ZC3H12B: variants seen among roughly 807,000 people sequenced by gnomAD.
The protein encoded by ZC3H12B is probable ribonuclease ZC3H12B.
ZC3H12B carries 7 observed loss-of-function variants against 43.9 expected under a neutral mutation model. The observed-to-expected ratio is 0.16, with a 90% CI of 0.09 to 0.30. ZC3H12B has a LOEUF of 0.30. Among genes scored for constraint, ZC3H12B ranks in the 10% least tolerant of loss-of-function variants. The pLI, the probability that ZC3H12B is intolerant of heterozygous loss-of-function variation, is 1.00. For missense variants in ZC3H12B, 475 were observed against 670.2 expected, an observed-to-expected ratio of 0.71 and a Z score of 3.22; for synonymous variants, 222 against 241.7, an observed-to-expected ratio of 0.92 and a Z score of 0.76.
the ZC3H12B span, among the ~76,000 whole-genome samples, chrX:65,159,336 T>G: frequency 8.9e-6 from 1 of 111,916 alleles, no homozygotes; most frequent in African/African-American, 3.2e-5. Flanking sequence ...GGGATGTCAT[T>G]GAATCTATAA....
chrX:65,231,425 G>C, the ZC3H12B span, among the ~76,000 whole-genome samples: 1 of 111,192 alleles, frequency 9.0e-6, no homozygotes, highest in Admixed American at 9.6e-5. Context: ...TACCAGGCTG[G>C]AATTTCCTAG....
chrX:65,477,892 C>G (rs1219896026), intron 3 of ZC3H12B, among the ~76,000 whole-genome samples: 5 of 107,085 alleles, frequency 4.7e-5, no homozygotes, highest in Admixed American at 3.0e-4. Flanking sequence ...CTCTTAGGCT[C>G]TGATCATTTT....
At chrX:65,049,300 T>G in the ZC3H12B span, among the ~76,000 whole-genome samples, 5 of 111,751 alleles carry the variant, frequency 4.5e-5, no homozygotes, top group Admixed American at 4.7e-4. Flanking sequence ...TTTTATAGTT[T>G]CAGGTATTAC....
chrX:65,054,455 T>C, the ZC3H12B span, among the ~76,000 whole-genome samples: 5 of 111,787 alleles, frequency 4.5e-5, no homozygotes, highest in East Asian at 1.4e-3. Flanking sequence ...TCTGTTCTGT[T>C]CCATTGGTCT....
chrX:65,394,545 G>A (rs758944298), intron 2 of ZC3H12B, among the ~76,000 whole-genome samples: 7 of 111,498 alleles, frequency 6.3e-5, no homozygotes, highest in African/African-American at 1.6e-4. Flanking sequence ...GCCTGTGTCC[G>A]GTTCCATTGG....
the ZC3H12B span, among the ~76,000 whole-genome samples, chrX:65,298,934 T>C: frequency 2.0e-4 from 22 of 111,280 alleles, no homozygotes; most frequent in East Asian, 6.2e-3. Flanking sequence ...AGCCGTCAGA[T>C]CTCATGAGAA....
the ZC3H12B span, among the ~76,000 whole-genome samples, chrX:65,122,715 A>G: frequency 9.0e-6 from 1 of 111,380 alleles, no homozygotes; most frequent in Non-Finnish European, 1.9e-5. Context: ...GGACAACAAA[A>G]AAAGGCAGGG....
chrX:65,161,465 A>G, the ZC3H12B span, among the ~76,000 whole-genome samples: 1 of 111,994 alleles, frequency 8.9e-6, no homozygotes, highest in African/African-American at 3.2e-5. Flanking sequence ...GTGCATATAT[A>G]TTAATGATAG....
At chrX:65,400,555 T>A (rs142969646) in intron 3 of ZC3H12B, among the ~76,000 whole-genome samples, 1 of 112,169 alleles carries the variant, frequency 8.9e-6, no homozygotes, top group Non-Finnish European at 1.9e-5. Flanking sequence ...AAGATTTTAA[T>A]AATGTTGATT....
the ZC3H12B span, among the ~76,000 whole-genome samples, chrX:65,312,006 C>T: frequency 1.8e-5 from 2 of 110,766 alleles, no homozygotes; most frequent in African/African-American, 6.6e-5. Flanking sequence ...GAGTAGGGGG[C>T]AGGGGGAGGG....
the ZC3H12B span, chrX:65,357,136 G>C: frequency 1.3e-4 from 63 of 481,321 alleles, no homozygotes; most frequent in African/African-American, 1.4e-3. Flanking sequence ...CTTCACATGG[G>C]GGCTCTGTCC....
intron 3 of ZC3H12B, among the ~76,000 whole-genome samples, chrX:65,401,850 C>G (rs1048086701): frequency 8.9e-6 from 1 of 112,058 alleles, no homozygotes; most frequent in African/African-American, 3.2e-5. Context: ...AAGGAACCCA[C>G]TGCATTGAAG....
the ZC3H12B span, among the ~76,000 whole-genome samples, chrX:65,241,402 G>A: frequency 1.3e-4 from 14 of 106,408 alleles, no homozygotes; most frequent in Admixed American, 6.1e-4. Context: ...CCCTGGAGCC[G>A]GCAGGCTAGA....
At chrX:65,257,450 T>TG in the ZC3H12B span, among the ~76,000 whole-genome samples, 7 of 109,067 alleles carry the variant, frequency 6.4e-5, no homozygotes, top group Non-Finnish European at 1.3e-4. Flanking sequence ...CCAGGGCCTG[T>TG]GGGGGGTGGG....
At chrX:65,328,372 T>G in the ZC3H12B span, 6 of 239,284 alleles carry the variant, frequency 2.5e-5, no homozygotes, top group Middle Eastern at 1.7e-3. Context: ...GCATGATCCT[T>G]TATAATGAAA....
chrX:65,179,821 C>A, the ZC3H12B span, among the ~76,000 whole-genome samples: 4 of 112,101 alleles, frequency 3.6e-5, no homozygotes, highest in Admixed American at 9.5e-5. Context: ...GAAGTCAATT[C>A]TCTGAATAGA....
At chrX:65,088,416 G>A in the ZC3H12B span, among the ~76,000 whole-genome samples, 10 of 110,971 alleles carry the variant, frequency 9.0e-5, no homozygotes, top group African/African-American at 2.6e-4. Flanking sequence ...AGCAGTGGAT[G>A]GATGCCCTTA....
the ZC3H12B span, among the ~76,000 whole-genome samples, chrX:65,202,110 T>C: frequency 7.9e-5 from 7 of 88,874 alleles, no homozygotes; most frequent in African/African-American, 1.4e-4. Flanking sequence ...TTTTATATAA[T>C]ATATATTATA....
chrX:65,123,586 C>G, the ZC3H12B span, among the ~76,000 whole-genome samples: 3 of 110,026 alleles, frequency 2.7e-5, no homozygotes, highest in African/African-American at 1.0e-4. Flanking sequence ...GTCATTTTCA[C>G]AATATTGATT....
Sources: gnomAD v4.1 joint callset for allele counts (sites outside exome capture counted in the v4.1 genomes callset) on GRCh38, gnomAD v4.1.1 for gene constraint, MANE v1.5 for transcripts, NCBI Gene and HGNC (gene_info 2026-07-23, HGNC 2026-07-21) for gene names.